Variants in JCAD observed in about 807,000 individuals in gnomAD.
The protein encoded by JCAD is junctional cadherin 5 associated, also known as junctional cadherin 5-associated protein.
Under a neutral mutation model 98.0 loss-of-function variants are expected in JCAD, and 40 were observed. The observed-to-expected ratio is 0.41, with a 90% CI of 0.32 to 0.53. JCAD has a LOEUF of 0.53. Among genes scored for constraint, JCAD ranks in the 20% least tolerant of loss-of-function variants. The pLI, the probability that JCAD is intolerant of heterozygous loss-of-function variation, is 0.31. For missense variants in JCAD, 1,705 were observed against 1,738.1 expected, an observed-to-expected ratio of 0.98 and a Z score of 0.34; for synonymous variants, 691 against 682.3, an observed-to-expected ratio of 1.01 and a Z score of -0.20.
chr10:30,096,056 A>G (rs911463594), intron 1 of JCAD, among the ~76,000 whole-genome samples: 3 of 152,010 alleles, frequency 2.0e-5, no homozygotes, highest in Non-Finnish European at 4.4e-5. Context: ...ATTGTCAGTA[A>G]AAGTCAAGGT....
Position 30,045,817 on chromosome 10 carries a change from G to A in JCAD, c.281+1715C>T, listed in dbSNP as rs145941368. Reference sequence around the variant, plus strand: ...TCAGTGCTAACTCCTCTTGCTCCTCGCTGGAGAAGCATCTGACTTGGCAAC... The same window carrying A: ...TCAGTGCTAACTCCTCTTGCTCCTCACTGGAGAAGCATCTGACTTGGCAAC... On this transcript the variant is annotated intron_variant, in intron 2 of 3. Coordinates refer to ENST00000375377, the MANE Select transcript of JCAD (RefSeq NM_020848.4). 6.8e-3 allele frequency among the ~76,000 whole-genome samples: 1,030 copies of A among 152,248 alleles called. 11 individuals are homozygous for A. The highest frequency in any genetic ancestry group is 0.021 in the African/African-American group (882 of 41,538).
intron 1 of JCAD, among the ~76,000 whole-genome samples, chr10:30,058,926 G>C (rs370547019): frequency 6.6e-6 from 1 of 152,188 alleles, no homozygotes; most frequent in East Asian, 1.9e-4. Flanking sequence ...CGGGAGCGGG[G>C]CCGCGGCGGG....
At chr10:30,058,706 C>A (rs994633454) in intron 1 of JCAD, among the ~76,000 whole-genome samples, 28 of 152,084 alleles carry the variant, frequency 1.8e-4, no homozygotes, top group Admixed American at 1.6e-3. Context: ...GTAGAGGGTG[C>A]CCGCGGAGAT....
intron 1 of JCAD, among the ~76,000 whole-genome samples, chr10:30,101,574 G>A (rs765771342): frequency 1.8e-4 from 27 of 151,750 alleles, no homozygotes; most frequent in South Asian, 8.3e-4. Context: ...CACTATGTTG[G>A]CCAGGCTGGT....
upstream of JCAD, among the ~76,000 whole-genome samples, chr10:30,060,411 A>T (rs1212123399): frequency 6.6e-6 from 1 of 152,196 alleles, no homozygotes; most frequent in Non-Finnish European, 1.5e-5. Context: ...AACCCACTCC[A>T]TATTTCTCTT....
At position 30,028,307 on chromosome 10, in the gene JCAD, T is replaced by A. The variant is rs775925093; in HGVS notation, c.1841A>T (p.Asp614Val). ...CTGTTCTTGCAGAGCCGGGCTCTTA[T>A]CAGACCCATTCTTTTGATCAGCACT... ...KPSADQKNGS[D>V]KSPALQEQSL... The change falls in exon 3 of 4, where the codon GAT becomes GTT. Residue 614 changes from aspartate (D) to valine (V), a missense_variant. Coordinates refer to ENST00000375377, the MANE Select transcript of JCAD (RefSeq NM_020848.4). 3 of 1,614,136 alleles carry A rather than the reference T, an allele frequency of 1.9e-6. No individual in the cohort carries two copies. In the African/African-American group the frequency reaches 4.0e-5, roughly 22 times the overall value.
chr10:30,078,310 C>A (rs1487007795), intron 1 of JCAD, among the ~76,000 whole-genome samples: 1 of 152,238 alleles, frequency 6.6e-6, no homozygotes, highest in Non-Finnish European at 1.5e-5. Context: ...TCATACCACA[C>A]AGCACAGACT....
intron 2 of JCAD, among the ~76,000 whole-genome samples, chr10:30,035,314 A>G (rs1837085861): frequency 1.3e-5 from 2 of 152,264 alleles, no homozygotes; most frequent in Admixed American, 1.3e-4. Flanking sequence ...TTTGGGTTAA[A>G]CTTCCTTCTG....
At chr10:30,104,585 G>A (rs1460071568) in intron 1 of JCAD, among the ~76,000 whole-genome samples, 1 of 152,162 alleles carries the variant, frequency 6.6e-6, no homozygotes, top group Non-Finnish European at 1.5e-5. Flanking sequence ...CGTCCAGGGA[G>A]GAGGGCAAGG....
chr10:30,048,769 T>C (rs1429436855), intron 1 of JCAD, among the ~76,000 whole-genome samples: 5 of 152,114 alleles, frequency 3.3e-5, no homozygotes, highest in Non-Finnish European at 5.9e-5. Flanking sequence ...GGTTTCACCA[T>C]GTTGGCCAGG....
At chr10:30,031,901 C>A (rs1812278857) in intron 2 of JCAD, among the ~76,000 whole-genome samples, 1 of 151,280 alleles carries the variant, frequency 6.6e-6, no homozygotes, top group East Asian at 1.9e-4. Flanking sequence ...ACTACAGGCG[C>A]CCGCCACTAC....
At chr10:30,090,929 A>G (rs984944433) in intron 1 of JCAD, among the ~76,000 whole-genome samples, 5 of 152,206 alleles carry the variant, frequency 3.3e-5, no homozygotes, top group African/African-American at 1.2e-4. Context: ...GGAAAACAAC[A>G]GGGTTCATGG....
At chr10:30,052,143 G>T (rs1331616995) in intron 1 of JCAD, among the ~76,000 whole-genome samples, 1 of 152,198 alleles carries the variant, frequency 6.6e-6, no homozygotes, top group African/African-American at 2.4e-5. Flanking sequence ...TTAGGAAGTT[G>T]CTGTTAACGA....
chr10:30,037,777 G>A (rs897845224), intron 2 of JCAD, among the ~76,000 whole-genome samples: 4 of 152,012 alleles, frequency 2.6e-5, no homozygotes, highest in Admixed American at 2.6e-4. Context: ...AGTTATCAAC[G>A]TGCACAGAGG....
chr10:30,105,006 G>A (rs1293850983), intron 1 of JCAD, among the ~76,000 whole-genome samples: 1 of 152,160 alleles, frequency 6.6e-6, no homozygotes, highest in Non-Finnish European at 1.5e-5. Flanking sequence ...CAGGCTAGGA[G>A]CTTTTATTAT....
chr10:30,066,384 T>G (rs1837784454), intron 2 of JCAD, among the ~76,000 whole-genome samples: 1 of 152,196 alleles, frequency 6.6e-6, no homozygotes, highest in Non-Finnish European at 1.5e-5. Context: ...AAGCCACATA[T>G]TAATGGAAAA....
intron 1 of JCAD, among the ~76,000 whole-genome samples, chr10:30,089,267 G>T (rs1442263700): frequency 6.6e-6 from 1 of 152,156 alleles, no homozygotes; most frequent in African/African-American, 2.4e-5. Context: ...TGGGCTTCTG[G>T]CTCCAGTTCC....
intron 2 of JCAD, among the ~76,000 whole-genome samples, chr10:30,045,412 G>A (rs1837314104): frequency 6.6e-6 from 1 of 152,132 alleles, no homozygotes; most frequent in South Asian, 2.1e-4. Context: ...AATAAATTGA[G>A]CACATGAGCA....
At chr10:30,046,287 C>T (rs1837334557) in intron 2 of JCAD, among the ~76,000 whole-genome samples, 1 of 152,162 alleles carries the variant, frequency 6.6e-6, no homozygotes, top group Admixed American at 6.5e-5. Flanking sequence ...CCCAGCCTGG[C>T]TCTGTGGCAA....
Sources: gnomAD v4.1 joint callset for allele counts (sites outside exome capture counted in the v4.1 genomes callset) on GRCh38, gnomAD v4.1.1 for gene constraint, MANE v1.5 for transcripts, NCBI Gene and HGNC (gene_info 2026-07-23, HGNC 2026-07-21) for gene names.